Variants in GPRC6A observed in about 807,000 individuals in gnomAD.
GPRC6A encodes G protein-coupled receptor class C group 6 member A.
In GPRC6A, 54 loss-of-function variants were observed where a neutral mutation model predicts 47.0. That is an observed-to-expected ratio of 1.15 (90% confidence interval 0.92 to 1.44). GPRC6A has a LOEUF of 1.44. Ranked by LOEUF, GPRC6A falls within the 40% of genes most tolerant of loss-of-function variation. The probability of loss-of-function intolerance (pLI) is 0.00; values close to 1 mark genes in which losing one functional copy is unlikely to be tolerated. For missense variants in GPRC6A, 1,112 were observed against 1,105.5 expected, an observed-to-expected ratio of 1.01 and a Z score of -0.08; for synonymous variants, 347 against 377.1, an observed-to-expected ratio of 0.92 and a Z score of 0.93.
At chr6:116,819,169 A>G (rs1266973420) in intron 1 of GPRC6A, among the ~76,000 whole-genome samples, 22 of 152,058 alleles carry the variant, frequency 1.4e-4, no homozygotes, top group African/African-American at 4.8e-4. Context: ...TATCCTAAAT[A>G]TATATGCACC....
chr6:116,792,599 T>TA lies in GPRC6A; in HGVS notation c.2323dup (p.Tyr775LeufsTer2), dbSNP rs371464745. On this transcript the variant is annotated frameshift_variant, in exon 6 of 6. Coordinates refer to ENST00000310357, the MANE Select transcript of GPRC6A (RefSeq NM_148963.4). LOFTEE classifies it low-confidence loss of function (END_TRUNC). ...GAATTTGGCTTCATTGTAATTCTCATATTTGCCTTTGAAAGCAAATATGAA... is the reference window on the plus strand; with the variant it reads ...GAATTTGGCTTCATTGTAATTCTCATAATTTGCCTTTGAAAGCAAATATGAA... 0.089 allele frequency: 143,879 copies of TA among 1,612,340 alleles called. 10,382 individuals carry two copies. Among genetic ancestry groups the TA allele is most frequent in the African/African-American group, 0.37 (27,965 of 74,848 alleles).
chr6:116,823,326 C>G (rs756947905), intron 1 of GPRC6A, among the ~76,000 whole-genome samples: 7 of 152,148 alleles, frequency 4.6e-5, no homozygotes, highest in Non-Finnish European at 7.3e-5. Flanking sequence ...CAAAGTTCCA[C>G]AGATCCCTGG....
At chr6:116,797,637 C>T (rs1772532829) in intron 4 of GPRC6A, among the ~76,000 whole-genome samples, 3 of 152,222 alleles carry the variant, frequency 2.0e-5, no homozygotes, top group Non-Finnish European at 4.4e-5. Context: ...AATTACCTGT[C>T]ATTCTGTCAC....
intron 4 of GPRC6A, among the ~76,000 whole-genome samples, chr6:116,800,336 C>T (rs1772629697): frequency 7.9e-6 from 1 of 126,124 alleles, no homozygotes; most frequent in Non-Finnish European, 1.6e-5. Flanking sequence ...TCCTTCCTTC[C>T]TTCCTTCTTT....
chr6:116,805,230 G>A (rs751824028), intron 3 of GPRC6A, among the ~76,000 whole-genome samples: 1 of 151,582 alleles, frequency 6.6e-6, no homozygotes, highest in Non-Finnish European at 1.5e-5. Context: ...TTAGATTTTT[G>A]GCTTTGTATT....
chr6:116,828,638 T>C (rs540271811), intron 1 of GPRC6A, among the ~76,000 whole-genome samples, 182 bp downstream of exon 1: 4 of 152,266 alleles, frequency 2.6e-5, no homozygotes, highest in African/African-American at 9.6e-5. Flanking sequence ...TGTTTCATTA[T>C]ACATAGAGGG....
At chr6:116,797,033 C>T (rs1772510799) in intron 4 of GPRC6A, among the ~76,000 whole-genome samples, 1 of 152,028 alleles carries the variant, frequency 6.6e-6, no homozygotes, top group Non-Finnish European at 1.5e-5. Context: ...TCCCTCCCGC[C>T]TCCCCCTACC....
chr6:116,792,598 A>AGG lies in GPRC6A; in HGVS notation c.2324_2325insCC (p.Glu776LeufsTer19), dbSNP rs550458778. The AGG allele has an allele frequency of 0.089, 143,850 of 1,612,338 alleles. 10,385 individuals carry two copies. Among genetic ancestry groups the AGG allele is most frequent in the African/African-American group, 0.37 (27,963 of 74,862 alleles). On this transcript the variant is annotated frameshift_variant, in exon 6 of 6. Coordinates refer to ENST00000310357, the MANE Select transcript of GPRC6A (RefSeq NM_148963.4). LOFTEE classifies it low-confidence loss of function (END_TRUNC). ...TGAATTTGGCTTCATTGTAATTCTCATATTTGCCTTTGAAAGCAAATATGA... is the reference window on the plus strand; with the variant it reads ...TGAATTTGGCTTCATTGTAATTCTCAGGTATTTGCCTTTGAAAGCAAATATGA...
chr6:116,806,437 C>T lies in GPRC6A; in HGVS notation c.1268G>A (p.Gly423Asp), dbSNP rs1204206914. The change falls in exon 3 of 6, where the codon GGT becomes GAT. Residue 423 changes from glycine to aspartate, a missense_variant. Physicochemically the swap from Gly to Asp is moderately conservative, Grantham distance 94. Coordinates refer to ENST00000310357, the MANE Select transcript of GPRC6A (RefSeq NM_148963.4). ...HSIQLAVFAL[G>D]YAIRDLCQAR... ...TTGACACAGATCCCGAATGGCATAA[C>T]CAAGGGCAAACACTGCAAGCTGAAT... The T allele has an allele frequency of 1.2e-6, 2 of 1,613,396 alleles. No individual in the cohort carries two copies. The highest frequency in any genetic ancestry group is 1.3e-5 in the African/African-American group (1 of 74,966).
At chr6:116,795,613 AAT>A (rs1491062941) in intron 5 of GPRC6A, 97 bp downstream of exon 5, 42 of 1,028,778 alleles carry the variant, frequency 4.1e-5, no homozygotes, top group Non-Finnish European at 5.5e-5. Context: ...AAGCTTTTTA[AAT>A]TTTTTCAAAT....
At chr6:116,817,774 G>A (rs948958762) in intron 1 of GPRC6A, among the ~76,000 whole-genome samples, 2 of 152,104 alleles carry the variant, frequency 1.3e-5, no homozygotes, top group Non-Finnish European at 2.9e-5. Flanking sequence ...TGGAAGAAAG[G>A]GTATCAGCAA....
intron 4 of GPRC6A, among the ~76,000 whole-genome samples, chr6:116,796,580 A>T (rs1021537941): frequency 6.6e-6 from 1 of 152,186 alleles, no homozygotes; most frequent in Non-Finnish European, 1.5e-5. Context: ...CTTGGAGCAG[A>T]GCAGAATGGT....
intron 1 of GPRC6A, among the ~76,000 whole-genome samples, chr6:116,815,998 G>A (rs932821308): frequency 1.3e-5 from 2 of 152,218 alleles, no homozygotes; most frequent in South Asian, 2.1e-4. Flanking sequence ...CACAATCAAG[G>A]TGGAAGGCAA....
At chr6:116,820,847 A>T (rs1199144114) in intron 1 of GPRC6A, among the ~76,000 whole-genome samples, 2 of 151,038 alleles carry the variant, frequency 1.3e-5, no homozygotes, top group Non-Finnish European at 3.0e-5. Flanking sequence ...TAGTGTTGGA[A>T]GTTCTGGCCA....
At chr6:116,798,671 T>TC (rs1239923660) in intron 4 of GPRC6A, among the ~76,000 whole-genome samples, 1 of 151,762 alleles carries the variant, frequency 6.6e-6, no homozygotes, top group Non-Finnish European at 1.5e-5. Flanking sequence ...GATCACAGGG[T>TC]CAGGAGTTCA....
chr6:116,828,686 A>T (rs1185936103), intron 1 of GPRC6A, 134 bp downstream of exon 1: 2 of 682,874 alleles, frequency 2.9e-6, no homozygotes, highest in African/African-American at 1.8e-5. Flanking sequence ...TTGCAAGATT[A>T]ACCATATGCA....
intron 4 of GPRC6A, among the ~76,000 whole-genome samples, chr6:116,796,376 A>T (rs1204137577): frequency 2.6e-5 from 4 of 152,188 alleles, no homozygotes; most frequent in Admixed American, 2.6e-4. Flanking sequence ...ACAGGCCTAA[A>T]TATATACTAT....
chr6:116,814,358 T>C (rs1362164577), intron 1 of GPRC6A, among the ~76,000 whole-genome samples: 1 of 152,144 alleles, frequency 6.6e-6, no homozygotes, highest in East Asian at 1.9e-4. Context: ...CCAACCCAAA[T>C]GTCCATCAAT....
intron 1 of GPRC6A, among the ~76,000 whole-genome samples, chr6:116,825,847 G>C (rs1773660682): frequency 6.6e-6 from 1 of 151,944 alleles, no homozygotes; most frequent in South Asian, 2.1e-4. Context: ...TATAAAAATA[G>C]ATACATAGAT....
Sources: gnomAD v4.1 joint callset for allele counts (sites outside exome capture counted in the v4.1 genomes callset) on GRCh38, gnomAD v4.1.1 for gene constraint, MANE v1.5 for transcripts, NCBI Gene and HGNC (gene_info 2026-07-23, HGNC 2026-07-21) for gene names.